The following EIF2A variants were observed in gnomAD, a reference collection of about 807,000 sequenced individuals.
EIF2A encodes 65 kDa eukaryotic translation initiation factor 2A.
A neutral mutation model predicts 75.2 loss-of-function variants in EIF2A; 62 were observed. The ratio of observed to expected loss-of-function variants is 0.82; its 90% confidence interval spans 0.67 to 1.02. The LOEUF (loss-of-function observed/expected upper bound fraction) is 1.02, where lower values mean the gene tolerates loss of function less well. Ranked by LOEUF, EIF2A falls within the 50% of genes least tolerant of loss-of-function variation. The pLI, the probability that EIF2A is intolerant of heterozygous loss-of-function variation, is 0.00. For missense variants in EIF2A, 611 were observed against 677.7 expected (o/e 0.90, Z 1.09); for synonymous variants, 207 against 239.0 (o/e 0.87, Z 1.23).
chr3:150,581,631 A>G lies in EIF2A; in HGVS notation c.1511A>G (p.Asp504Gly), dbSNP rs143760785. ...TATTTCCTGCAGGAAGCAAGAAGTG[A>G]CAAGAGTCCAGATTTGGCACCTACT... The part of the protein sequence containing the change: ...KKAAKQEARS[D>G]KSPDLAPTPA... The change falls in exon 12 of 14, where the codon GAC becomes GGC. Residue 504 changes from aspartate (D) to glycine (G), a missense_variant. Asp to Gly is a moderately conservative substitution (Grantham distance 94). Coordinates refer to ENST00000460851, the MANE Select transcript of EIF2A (RefSeq NM_032025.5). 866 of 1,551,208 alleles carry G rather than the reference A, an allele frequency of 5.6e-4. 7 individuals are homozygous for G. In the African/African-American group the frequency reaches 7.9e-3, roughly 14 times the overall value.
intron 3 of EIF2A, among the ~76,000 whole-genome samples, chr3:150,559,527 G>T (rs1206979173): frequency 3.4e-5 from 5 of 145,674 alleles, no homozygotes; most frequent in Non-Finnish European, 4.5e-5. Context: ...TTGAGACAGG[G>T]TCTCACTCTG....
rs1282535825 is a variant in EIF2A at position 150,567,899 on chromosome 3, T to G, written c.550-3T>G. ...AGTAATGATTTATGTCTATGTATCT[T>G]AGGTGGCTGTCTATGTTCCAGGAAG... On this transcript the variant is annotated splice_region_variant and splice_polypyrimidine_tract_variant and intron_variant, in intron 7 of 13. Transcript: ENST00000460851. 7.5e-6 allele frequency: 12 copies of G among 1,601,144 alleles called. No individual in the cohort carries two copies. Among genetic ancestry groups the G allele is most frequent in the Admixed American group, 1.8e-5 (1 of 56,174 alleles).
rs1725324914 is a variant in EIF2A at position 150,583,838 on chromosome 3, T to C, written c.1693-8T>C. On this transcript the variant is annotated splice_polypyrimidine_tract_variant and splice_region_variant and intron_variant, in intron 13 of 13. Coordinates refer to ENST00000460851, the MANE Select transcript of EIF2A (RefSeq NM_032025.5). ...TCATAATAACTTCATTGTTTCAAACTTTTCTAGTTGGAGAAAATTCAGAAA... is the reference window on the plus strand; with the variant it reads ...TCATAATAACTTCATTGTTTCAAACCTTTCTAGTTGGAGAAAATTCAGAAA... 1 of 1,612,854 alleles carries C rather than the reference T, an allele frequency of 6.2e-7. No individual in the cohort carries two copies. The highest frequency in any genetic ancestry group is 8.5e-7 in the Non-Finnish European group (1 of 1,179,246).
intron 11 of EIF2A, 66 bp downstream of exon 11, chr3:150,575,828 C>T (rs907824746): frequency 1.5e-5 from 21 of 1,358,348 alleles, no homozygotes; most frequent in Admixed American, 7.2e-5. Flanking sequence ...GTGGCTCACG[C>T]CCGTAATCCC....
Position 150,562,538 on chromosome 3 carries a change from C to G in EIF2A, c.174-4C>G. On this transcript the variant is annotated splice_region_variant and splice_polypyrimidine_tract_variant and intron_variant, in intron 3 of 13. Transcript: ENST00000460851. ...ATTGCTGAAATAATTTCTTTTGAAA[C>G]CAGAGTAAATATTATCAGTGTCACT... 6.2e-7 allele frequency: 1 copy of G among 1,604,180 alleles called. No individual in the cohort carries two copies. The highest frequency in any genetic ancestry group is 8.5e-7 in the Non-Finnish European group (1 of 1,173,148).
intron 13 of EIF2A, 43 bp downstream of exon 13, chr3:150,583,308 C>G (rs1725299012): frequency 6.4e-7 from 1 of 1,567,896 alleles, no homozygotes; most frequent in African/African-American, 1.4e-5. Flanking sequence ...TGACCACCAG[C>G]CTTCCCCCTT....
At chr3:150,558,297 A>G in intron 2 of EIF2A, 91 bp from the exon 3 acceptor site, 1 of 1,144,650 alleles carries the variant, frequency 8.7e-7, no homozygotes, top group Non-Finnish European at 1.2e-6. Context: ...TAGTTATTAA[A>G]TTGATAGTGA....
chr3:150,546,962 T>C, intron 1 of EIF2A, 132 bp downstream of exon 1: 1 of 1,281,402 alleles, frequency 7.8e-7, no homozygotes, highest in Non-Finnish European at 1.1e-6. Context: ...AAGGCCAGAC[T>C]GTTGGCTTTC....
Position 150,572,340 on chromosome 3 carries a change from C to G in EIF2A, c.1194C>G (p.His398Gln), listed in dbSNP as rs201363045. The stretch of plus-strand genomic sequence containing the variant: ...GGCATTATACTGGCTCTATCTTGCA[C>G]AAGTATGATGTGCCATCAAATGCAG... ...KIWHYTGSIL[H>Q]KYDVPSNAEL... The change falls in exon 10 of 14, where the codon CAC becomes CAG. Residue 398 changes from histidine (H) to glutamine (Q), a missense_variant. Coordinates refer to ENST00000460851, the MANE Select transcript of EIF2A (RefSeq NM_032025.5). 4 of 1,613,922 alleles carry G rather than the reference C, an allele frequency of 2.5e-6. No individual in the cohort carries two copies. The Admixed American group carries it at 5.0e-5, about 20-fold the overall frequency.
In EIF2A at chr3:150,581,818, G is replaced by C. The variant is rs762700006; in HGVS notation, c.1626+72G>C. 2.0e-6 allele frequency: 3 copies of C among 1,506,658 alleles called. No individual in the cohort carries two copies. In the Admixed American group the frequency reaches 6.4e-5, roughly 32 times the overall value. 93.3% of individuals were successfully genotyped at this position (1,506,658 alleles called of 1,614,324 possible). A position where few individuals can be genotyped will look rare whatever the true frequency, so the allele number is the denominator to read the frequency against. ...AATTATATAAGTAAGAGAGTACTTA[G>C]ATGCCTAAAGACAGGTATCTAAGAA... On this transcript the variant is annotated intron_variant, in intron 12 of 13. Coordinates refer to ENST00000460851, the MANE Select transcript of EIF2A (RefSeq NM_032025.5).
In EIF2A at chr3:150,584,183, A is replaced by ATT; in HGVS notation, c.*280_*281dup. 6.5e-6 allele frequency: 2 copies of ATT among 305,844 alleles called. No individual in the cohort carries two copies. Among genetic ancestry groups the ATT allele is most frequent in the Non-Finnish European group, 1.2e-5 (2 of 168,050 alleles). 18.9% of individuals were successfully genotyped at this position (305,844 alleles called of 1,614,324 possible). A position where few individuals can be genotyped will look rare whatever the true frequency, so the allele number is the denominator to read the frequency against. On this transcript the variant is annotated 3_prime_UTR_variant, in exon 14 of 14. Transcript: ENST00000460851. ...CTTGACAGATTGAAAGACAAGTGTCATTTTTTTTTGTAGAGGGTGATATAT... is the reference window on the plus strand; with the variant it reads ...CTTGACAGATTGAAAGACAAGTGTCATTTTTTTTTTTGTAGAGGGTGATATAT...
At chr3:150,548,708 A>G (rs1723167458) in intron 1 of EIF2A, among the ~76,000 whole-genome samples, 1 of 152,232 alleles carries the variant, frequency 6.6e-6, no homozygotes, top group African/African-American at 2.4e-5. Flanking sequence ...AAGGATAGCC[A>G]CTTTATAGTA....
chr3:150,550,023 C>T (rs1723238356), intron 1 of EIF2A, among the ~76,000 whole-genome samples: 1 of 152,062 alleles, frequency 6.6e-6, no homozygotes, highest in Non-Finnish European at 1.5e-5. Context: ...TAACTCAGGC[C>T]TAGAGCAATA....
chr3:150,558,268 T>A (rs772473483), intron 2 of EIF2A, 120 bp from the exon 3 acceptor site: 142 of 881,234 alleles, frequency 1.6e-4, no homozygotes, highest in Admixed American at 4.0e-4. Context: ...TGGAATTTTC[T>A]GAAATTTGTG....
At chr3:150,546,931 C>A in intron 1 of EIF2A, 101 bp downstream of exon 1, 2 of 1,535,406 alleles carry the variant, frequency 1.3e-6, no homozygotes, top group Non-Finnish European at 1.8e-6. Flanking sequence ...GTCTGATCTG[C>A]CTTTTCTTGT....
In EIF2A at chr3:150,568,009, T is replaced by C. The variant is rs1347588469; in HGVS notation, c.657T>C (p.Phe219=). Reference sequence around the variant, plus strand: ...CAGCTTTAGCTAATAAAAGTTTCTTTAAGGCAGATAAAGTTACAATGCTGT... The same window carrying C: ...CAGCTTTAGCTAATAAAAGTTTCTTCAAGGCAGATAAAGTTACAATGCTGT... ...PHAALANKSF[F]KADKVTMLWN... Residue 219 remains phenylalanine, a synonymous_variant, in exon 8 of 14, where the codon TTT becomes TTC. Coordinates refer to ENST00000460851, the MANE Select transcript of EIF2A (RefSeq NM_032025.5). 1.2e-6 allele frequency: 2 copies of C among 1,612,640 alleles called. No homozygotes were observed. The highest frequency in any genetic ancestry group is 1.3e-5 in the African/African-American group (1 of 74,978).
At chr3:150,568,794 G>A (rs1246939326) in intron 9 of EIF2A, among the ~76,000 whole-genome samples, 1 of 152,150 alleles carries the variant, frequency 6.6e-6, no homozygotes, top group African/African-American at 2.4e-5. Flanking sequence ...GCGTATGCCT[G>A]TAGTCCCAGC....
chr3:150,569,876 G>A (rs1724406748), intron 9 of EIF2A, among the ~76,000 whole-genome samples: 2 of 152,082 alleles, frequency 1.3e-5, no homozygotes, highest in South Asian at 2.1e-4. Context: ...TGGATATACT[G>A]GTAAAACTGA....
intron 3 of EIF2A, among the ~76,000 whole-genome samples, chr3:150,560,354 A>G (rs972284758): frequency 6.6e-6 from 1 of 152,242 alleles, no homozygotes; most frequent in East Asian, 1.9e-4. Flanking sequence ...CTGGTTAACT[A>G]AGTCAGAAAC....
Sources: allele counts gnomAD v4.1 joint callset (sites outside exome capture counted in the v4.1 genomes callset), GRCh38; gene constraint gnomAD v4.1.1; transcripts MANE v1.5; gene names NCBI Gene and HGNC (gene_info 2026-07-23, HGNC 2026-07-21).